GNPTAB: variants seen among roughly 807,000 people sequenced by gnomAD.
GNPTAB encodes N-acetylglucosamine-1-phosphotransferase subunits alpha/beta.
A neutral mutation model predicts 136.6 loss-of-function variants in GNPTAB; 92 were observed. The ratio of observed to expected loss-of-function variants is 0.67; its 90% CI spans 0.57 to 0.80. The LOEUF is 0.80. Among genes scored for constraint, GNPTAB ranks in the 30% least tolerant of loss-of-function variants. GNPTAB has a pLI of 0.00. For missense variants in GNPTAB, 1,343 were observed against 1,501.8 expected, an observed-to-expected ratio of 0.89 and a Z score of 1.75; for synonymous variants, 512 against 535.1, an observed-to-expected ratio of 0.96 and a Z score of 0.60.
chr12:101,808,565 G>A (rs1870059985), intron 1 of GNPTAB, among the ~76,000 whole-genome samples: 1 of 151,990 alleles, frequency 6.6e-6, no homozygotes, highest in African/African-American at 2.4e-5. Flanking sequence ...AGAAAATCTA[G>A]GTGACCTTGG....
rs1342175646 is a variant in GNPTAB, at chr12:101,761,690, G to A, written c.2789C>T (p.Thr930Ile). The A allele has an allele frequency of 1.9e-6, 3 of 1,613,604 alleles. No homozygotes were observed. The highest frequency in any genetic ancestry group is 1.3e-5 in the African/African-American group (1 of 74,918). The change falls in exon 14 of 21, where the codon ACA becomes ATA. Residue 930 changes from threonine (T) to isoleucine (I), a missense_variant. Coordinates refer to ENST00000299314, the MANE Select transcript of GNPTAB (RefSeq NM_024312.5). Reference protein sequence around the residue: ...SKNTGRQLKDTFADSLRYVNK... With the variant: ...SKNTGRQLKDIFADSLRYVNK... Reference sequence around the variant, plus strand: ...TACATATCTGAGGGAATCTGCAAATGTATCTTTTAGTTGCCTCCCAGTATT... The same window carrying A: ...TACATATCTGAGGGAATCTGCAAATATATCTTTTAGTTGCCTCCCAGTATT...
intron 1 of GNPTAB, among the ~76,000 whole-genome samples, chr12:101,827,200 G>A (rs1263475494): frequency 2.6e-5 from 4 of 151,912 alleles, no homozygotes; most frequent in Admixed American, 6.6e-5. Context: ...TGCAATCACG[G>A]CTCATGCAGC....
intron 18 of GNPTAB, chr12:101,757,001 C>T: frequency 1.9e-6 from 1 of 520,698 alleles, no homozygotes; most frequent in South Asian, 2.8e-5. Flanking sequence ...ATTAATAGAA[C>T]CCAGTTCTTC....
At chr12:101,757,506 A>C (rs181723747) in intron 17 of GNPTAB, 66 bp downstream of exon 17, 1 of 898,330 alleles carries the variant, frequency 1.1e-6, no homozygotes, top group African/African-American at 1.6e-5. Context: ...TTGTAGAATT[A>C]TAAAAAAGCC....
chr12:101,824,083 T>C (rs2137189540), intron 1 of GNPTAB, among the ~76,000 whole-genome samples: 1 of 152,246 alleles, frequency 6.6e-6, no homozygotes. Flanking sequence ...CAGTTGAGAC[T>C]GACAGCCCCA....
intron 1 of GNPTAB, among the ~76,000 whole-genome samples, chr12:101,819,039 C>T (rs533749118): frequency 6.6e-6 from 1 of 151,278 alleles, no homozygotes; most frequent in African/African-American, 2.4e-5. Context: ...GAGACAGAGT[C>T]TCGCTCTTGT....
intron 2 of GNPTAB, among the ~76,000 whole-genome samples, chr12:101,793,994 C>A (rs902436950): frequency 1.3e-5 from 2 of 152,164 alleles, no homozygotes; most frequent in Non-Finnish European, 2.9e-5. Context: ...TAGGCAACCA[C>A]CACCGCCCTG....
At position 101,756,103 on chromosome 12, in the gene GNPTAB, G is replaced by A. The variant is rs957779305; in HGVS notation, c.3434+1109C>T. ...ACTTCAAGTGGAGGGAACAGCATAT[G>A]CAAAGAGGGCTGTACGCTAGGTAAT... On this transcript the variant is annotated intron_variant, in intron 18 of 20. Coordinates refer to ENST00000299314, the MANE Select transcript of GNPTAB (RefSeq NM_024312.5). 8 of 152,764 alleles carry A rather than the reference G, an allele frequency of 5.2e-5. No homozygotes were observed. The South Asian group carries it at 1.6e-3, about 31-fold the overall frequency. 9.5% of individuals were successfully genotyped at this position (152,764 alleles called of 1,614,324 possible).
chr12:101,753,408 C>T lies in GNPTAB; in HGVS notation c.3566G>A (p.Arg1189Gln), dbSNP rs141007019. Reference sequence around the variant, plus strand: ...CTCATGCATATGAAGGAAACGGTTTCGATACTCTCTTGGCAGTTCAAATTG... The same window carrying T: ...CTCATGCATATGAAGGAAACGGTTTTGATACTCTCTTGGCAGTTCAAATTG... ...PSQFELPREYRNRFLHMHELQ... is the reference protein window; with the variant it reads ...PSQFELPREYQNRFLHMHELQ... The change falls in exon 19 of 21, where the codon CGA becomes CAA. Residue 1189 changes from arginine (R) to glutamine (Q), a missense_variant. Arg to Gln is a conservative substitution (Grantham distance 43). Transcript: ENST00000299314. 27 of 1,613,840 alleles carry T rather than the reference C, an allele frequency of 1.7e-5. No individual in the cohort carries two copies. Among genetic ancestry groups the T allele is most frequent in the African/African-American group, 1.3e-5 (1 of 74,894 alleles).
chr12:101,791,584 G>A (rs1868995710), intron 2 of GNPTAB, among the ~76,000 whole-genome samples: 1 of 152,076 alleles, frequency 6.6e-6, no homozygotes, highest in Admixed American at 6.6e-5. Context: ...CCACAGGTTG[G>A]GCAAATTTTC....
intron 7 of GNPTAB, among the ~76,000 whole-genome samples, chr12:101,775,484 CGAGTA>C (rs1953250058): frequency 6.6e-6 from 1 of 151,730 alleles, no homozygotes; most frequent in Non-Finnish European, 1.5e-5. Flanking sequence ...CTTAGCCTCC[CGAGTA>C]GCTGGGATTA....
intron 1 of GNPTAB, among the ~76,000 whole-genome samples, chr12:101,817,112 T>C (rs1205781345): frequency 1.3e-5 from 2 of 152,076 alleles, no homozygotes; most frequent in Non-Finnish European, 2.9e-5. Context: ...ATAGTCCTGG[T>C]GTTCGACAGC....
chr12:101,779,044 T>C (rs542423364), intron 7 of GNPTAB: 2 of 146,198 alleles, frequency 1.4e-5, no homozygotes, highest in East Asian at 8.4e-4. Flanking sequence ...GAGAAACAAG[T>C]TAAAAGGAAT....
At position 101,770,191 on chromosome 12, in the gene GNPTAB, C is replaced by G; in HGVS notation, c.1114G>C (p.Asp372His). The G allele has an allele frequency of 6.2e-7, 1 of 1,614,002 alleles. No individual in the cohort carries two copies. Among genetic ancestry groups the G allele is most frequent in the Non-Finnish European group, 8.5e-7 (1 of 1,179,924 alleles). ...AAGTGGCTCAAATTTCGAAAAACAT[C>G]CTTTTAACAACAACAAACAAAAAAA... is the stretch of plus-strand genomic sequence containing the variant. Reference protein sequence around the residue: ...NPRVTIVTHQDVFRNLSHLPT... With the variant: ...NPRVTIVTHQHVFRNLSHLPT... Residue 372 changes from aspartate (D) to histidine (H), a missense_variant and splice_region_variant, in exon 10 of 21, where the codon GAT (aspartate) becomes CAT (histidine). Transcript: ENST00000299314.
intron 13 of GNPTAB, among the ~76,000 whole-genome samples, chr12:101,763,619 C>A (rs1383734357): frequency 6.6e-6 from 1 of 152,200 alleles, no homozygotes; most frequent in Non-Finnish European, 1.5e-5. Context: ...TTTCTCCCCA[C>A]AAATTTGTCT....
intron 13 of GNPTAB, among the ~76,000 whole-genome samples, chr12:101,762,987 G>A (rs1011093128): frequency 1.3e-5 from 2 of 151,126 alleles, no homozygotes; most frequent in Admixed American, 6.6e-5. Flanking sequence ...TTGGGAGGCC[G>A]AGGCGGGCGG....
chr12:101,822,189 G>A (rs368226858), intron 1 of GNPTAB, among the ~76,000 whole-genome samples: 14 of 152,216 alleles, frequency 9.2e-5, no homozygotes, highest in East Asian at 1.9e-4. Flanking sequence ...CGAGGCGGGC[G>A]GATCACGAGG....
At chr12:101,788,441 T>A (rs1020271107) in intron 4 of GNPTAB, 107 bp downstream of exon 4, 23 of 772,998 alleles carry the variant, frequency 3.0e-5, no homozygotes, top group Non-Finnish European at 5.1e-5. Context: ...AAAAACTATA[T>A]GGATAATAAA....
rs1869290869 is a variant in GNPTAB at position 101,796,388 on chromosome 12, A to T, written c.203+289T>A. ...TGAACACACTTTTCTTCAGATGGACATATTTTCTTTCCTTATTTTAAAAAA... is the reference window on the plus strand; with the variant it reads ...TGAACACACTTTTCTTCAGATGGACTTATTTTCTTTCCTTATTTTAAAAAA... On this transcript the variant is annotated intron_variant, in intron 2 of 20. Coordinates refer to ENST00000299314, the MANE Select transcript of GNPTAB (RefSeq NM_024312.5). The T allele has an allele frequency of 4.5e-6, 3 of 663,902 alleles. No homozygotes were observed. In the East Asian group the frequency reaches 8.1e-5, roughly 18 times the overall value. The allele number at this position is 663,902 out of a possible 1,614,324, so 41.1% of individuals were successfully genotyped here.
Sources: allele counts gnomAD v4.1 joint callset (sites outside exome capture counted in the v4.1 genomes callset), GRCh38; gene constraint gnomAD v4.1.1; transcripts MANE v1.5; gene names NCBI Gene and HGNC (gene_info 2026-07-23, HGNC 2026-07-21).